ACACA: variants seen among roughly 807,000 people sequenced by gnomAD.
ACACA encodes acetyl-CoA carboxylase alpha.
Under a neutral mutation model 296.1 loss-of-function variants are expected in ACACA, and 103 were observed. The observed-to-expected ratio is 0.35, with a 90% CI of 0.30 to 0.41. ACACA has a LOEUF of 0.41. Ranked by LOEUF, ACACA falls within the 10% of genes least tolerant of loss-of-function variation. The probability of loss-of-function intolerance (pLI) is 1.00; values close to 1 mark genes in which losing one functional copy is unlikely to be tolerated. For missense variants in ACACA, 1,554 were observed against 2,989.7 expected, an observed-to-expected ratio of 0.52 and a Z score of 11.20; for synonymous variants, 953 against 1,038.6, an observed-to-expected ratio of 0.92 and a Z score of 1.58.
intron 1 of ACACA, among the ~76,000 whole-genome samples, chr17:37,396,731 A>G (rs1223319596): frequency 6.6e-6 from 1 of 152,000 alleles, no homozygotes; most frequent in African/African-American, 2.4e-5. Context: ...AAATCTTTTT[A>G]TTTTTTGTTT....
intron 1 of ACACA, among the ~76,000 whole-genome samples, chr17:37,368,930 C>A (rs1245048014): frequency 6.6e-6 from 1 of 152,176 alleles, no homozygotes. Context: ...GTTGTACATA[C>A]CCTACATACC....
At chr17:37,135,421 T>C (rs2075290369) in intron 45 of ACACA, among the ~76,000 whole-genome samples, 1 of 152,158 alleles carries the variant, frequency 6.6e-6, no homozygotes, top group South Asian at 2.1e-4. Flanking sequence ...TGACATACTG[T>C]GGGCAGAAGA....
chr17:37,378,519 C>G (rs2147721502), intron 1 of ACACA, among the ~76,000 whole-genome samples: 1 of 152,090 alleles, frequency 6.6e-6, no homozygotes, highest in African/African-American at 2.4e-5. Flanking sequence ...TTGAGACTAG[C>G]CTGACCAACA....
At chr17:37,239,255 TAATC>T (rs768289428) in intron 24 of ACACA, among the ~76,000 whole-genome samples, 5 of 152,228 alleles carry the variant, frequency 3.3e-5, no homozygotes, top group East Asian at 1.9e-4. Flanking sequence ...AATAATTTAA[TAATC>T]AATCTGTGAA....
intron 24 of ACACA, among the ~76,000 whole-genome samples, chr17:37,236,357 G>A (rs1209036397): frequency 1.3e-5 from 2 of 152,092 alleles, no homozygotes; most frequent in Non-Finnish European, 2.9e-5. Context: ...TCTCTACCAA[G>A]ACTTAGCTTT....
chr17:37,087,421 T>C lies in ACACA; in HGVS notation c.7047A>G (p.Pro2349=), dbSNP rs779996268. ...GGATGATGGAATCCATGGCAACCTC[T>C]GGATTGGCCTGGACCAAGCTGGAAA... is the stretch of plus-strand genomic sequence containing the variant. ...KQIRSLVQAN[P]EVAMDSIIHM... The change falls in exon 56 of 56, where the codon CCA becomes CCG. Residue 2349 remains proline (P), a synonymous_variant. Coordinates refer to ENST00000616317, the MANE Select transcript of ACACA (RefSeq NM_198834.3). 5.0e-6 allele frequency: 8 copies of C among 1,614,038 alleles called. No individual in the cohort carries two copies. The highest frequency in any genetic ancestry group is 6.8e-6 in the Non-Finnish European group (8 of 1,180,040).
At chr17:37,205,143 C>T (rs961661115) in intron 33 of ACACA, among the ~76,000 whole-genome samples, 3 of 152,050 alleles carry the variant, frequency 2.0e-5, no homozygotes, top group African/African-American at 7.2e-5. Flanking sequence ...TAAATATGTA[C>T]AGATTGTGGG....
chr17:37,381,818 G>A (rs146328666), intron 1 of ACACA, among the ~76,000 whole-genome samples: 2,450 of 151,038 alleles, frequency 0.016, 69 homozygotes, highest in East Asian at 0.044. Context: ...TGGTAGAGAT[G>A]GGGTTTCACC....
At chr17:37,121,895 G>A (rs1031152336) in intron 49 of ACACA, among the ~76,000 whole-genome samples, 3 of 152,140 alleles carry the variant, frequency 2.0e-5, no homozygotes, top group Non-Finnish European at 4.4e-5. Context: ...ATAGACAATT[G>A]ACGTCACACT....
intron 1 of ACACA, among the ~76,000 whole-genome samples, chr17:37,393,209 T>C (rs1282923804): frequency 6.6e-6 from 1 of 151,056 alleles, no homozygotes; most frequent in Non-Finnish European, 1.5e-5. Flanking sequence ...GAAAATATAG[T>C]AGAGAGGAAA....
chr17:37,292,967 T>C (rs1436337895), intron 3 of ACACA, among the ~76,000 whole-genome samples: 6 of 152,262 alleles, frequency 3.9e-5, no homozygotes, highest in South Asian at 4.1e-4. Flanking sequence ...CAAGCACATA[T>C]GTGAAATTTG....
intron 2 of ACACA, among the ~76,000 whole-genome samples, chr17:37,331,220 C>T (rs56125911): frequency 0.29 from 43,946 of 150,164 alleles, 7,382 homozygotes; most frequent in African/African-American, 0.46. Flanking sequence ...CGGGTTCATG[C>T]CATTCTCCTG....
intron 27 of ACACA, among the ~76,000 whole-genome samples, chr17:37,224,117 G>A (rs891892472): frequency 1.3e-5 from 2 of 152,160 alleles, no homozygotes; most frequent in African/African-American, 4.8e-5. Flanking sequence ...CACAAGAATC[G>A]CTTGAACTCA....
intron 3 of ACACA, among the ~76,000 whole-genome samples, chr17:37,294,739 C>T (rs1318217327): frequency 6.6e-6 from 1 of 152,242 alleles, no homozygotes; most frequent in African/African-American, 2.4e-5. Flanking sequence ...GGGCTTAATA[C>T]TAGACCTCAG....
At chr17:37,175,977 T>C (rs2077097784) in intron 41 of ACACA, among the ~76,000 whole-genome samples, 1 of 152,198 alleles carries the variant, frequency 6.6e-6, no homozygotes, top group Non-Finnish European at 1.5e-5. Flanking sequence ...GTCACATCTC[T>C]ACTGAAACAG....
intron 39 of ACACA, among the ~76,000 whole-genome samples, chr17:37,183,868 T>G (rs2077423025): frequency 6.8e-6 from 1 of 147,254 alleles, no homozygotes; most frequent in Admixed American, 6.7e-5. Context: ...TTTTTTTTTT[T>G]GGAGACGGAG....
chr17:37,237,970 A>G (rs1009877976), intron 24 of ACACA, among the ~76,000 whole-genome samples: 7 of 152,284 alleles, frequency 4.6e-5, no homozygotes, highest in Non-Finnish European at 7.4e-5. Context: ...TATGTTGCCC[A>G]GGCTGGTCTC....
chr17:37,191,948 C>T (rs2077774251), intron 37 of ACACA, 142 bp downstream of exon 37: 2 of 851,952 alleles, frequency 2.3e-6, no homozygotes, highest in African/African-American at 1.7e-5. Context: ...TGAAATAGAA[C>T]AAGAACCTTG....
intron 1 of ACACA, among the ~76,000 whole-genome samples, chr17:37,401,858 C>G (rs1389307518): frequency 6.6e-6 from 1 of 152,190 alleles, no homozygotes. Flanking sequence ...CCGCACCAGG[C>G]CAGAAACTCT....
Sources: gnomAD v4.1 joint callset for allele counts (sites outside exome capture counted in the v4.1 genomes callset) on GRCh38, gnomAD v4.1.1 for gene constraint, MANE v1.5 for transcripts, NCBI Gene and HGNC (gene_info 2026-07-23, HGNC 2026-07-21) for gene names.